The following MTA3 variants were observed in gnomAD, a reference collection of about 807,000 sequenced individuals.
MTA3 encodes metastasis-associated protein MTA3.
Under a neutral mutation model 83.5 loss-of-function variants are expected in MTA3, and 34 were observed. The ratio of observed to expected loss-of-function variants is 0.41; its 90% CI spans 0.31 to 0.54. MTA3 has a LOEUF of 0.54. Among genes scored for constraint, MTA3 ranks in the 20% least tolerant of loss-of-function variants. The pLI, the probability that MTA3 is intolerant of heterozygous loss-of-function variation, is 0.33. For synonymous variants in MTA3, 303 were observed against 252.7 expected, an observed-to-expected ratio of 1.20 and a Z score of -1.89; for missense variants, 761 against 726.4, an observed-to-expected ratio of 1.05 and a Z score of -0.55.
intron 3 of MTA3, among the ~76,000 whole-genome samples, chr2:42,585,780 T>A (rs1172890710): frequency 6.6e-6 from 1 of 152,052 alleles, no homozygotes; most frequent in Non-Finnish European, 1.5e-5. Context: ...GGCCCCATCC[T>A]GTATTTTATT....
chr2:42,753,140 G>C (rs1447178865), intron 16 of MTA3, among the ~76,000 whole-genome samples: 1 of 152,130 alleles, frequency 6.6e-6, no homozygotes, highest in Non-Finnish European at 1.5e-5. Flanking sequence ...ATGTCGTCCA[G>C]ACTGTCTTGA....
chr2:42,684,567 A>G (rs1431559765), intron 9 of MTA3, among the ~76,000 whole-genome samples: 1 of 152,228 alleles, frequency 6.6e-6, no homozygotes, highest in Non-Finnish European at 1.5e-5. Flanking sequence ...TATTAATATA[A>G]CAGTTATTAA....
At chr2:42,515,989 T>C (rs995831438) in intron 2 of MTA3, among the ~76,000 whole-genome samples, 2 of 151,654 alleles carry the variant, frequency 1.3e-5, no homozygotes, top group Non-Finnish European at 2.9e-5. Context: ...TACAGGCGCC[T>C]GCCACCATGC....
rs144000034 is a variant in MTA3, at chr2:42,553,927, A to C, written c.-140-16510A>C. ...AGAAAGAAAGAAGGAAGAAGAAAAA[A>C]AAAACAAAACAAAAAACTAGTTATC... On this transcript the variant is annotated intron_variant, in intron 2 of 17. Transcript: ENST00000405592. Among the ~76,000 whole-genome samples the C allele has an allele frequency of 1.8e-3, 268 of 151,130 alleles. 5 individuals are homozygous for C. Among genetic ancestry groups the C allele is most frequent in the African/African-American group, 6.1e-3 (252 of 41,260 alleles).
intron 4 of MTA3, among the ~76,000 whole-genome samples, chr2:42,631,907 C>G (rs1686713454): frequency 6.6e-6 from 1 of 152,018 alleles, no homozygotes; most frequent in African/African-American, 2.4e-5. Flanking sequence ...CCAGGCTGGT[C>G]TTGAGCTCCT....
At chr2:42,530,958 TA>T (rs1675937171) in intron 2 of MTA3, among the ~76,000 whole-genome samples, 1 of 151,910 alleles carries the variant, frequency 6.6e-6, no homozygotes, top group South Asian at 2.1e-4. Context: ...GCTCCCCGAG[TA>T]TCTGGGACCA....
intron 6 of MTA3, among the ~76,000 whole-genome samples, chr2:42,647,726 A>C (rs1688346795): frequency 6.6e-6 from 1 of 152,232 alleles, no homozygotes; most frequent in Non-Finnish European, 1.5e-5. Flanking sequence ...TGTATTTTTC[A>C]TCATAAATGT....
chr2:42,649,729 T>C (rs762431218), intron 6 of MTA3, among the ~76,000 whole-genome samples: 16 of 152,216 alleles, frequency 1.1e-4, no homozygotes, highest in Non-Finnish European at 1.9e-4. Context: ...TCCACTGTGT[T>C]ACAACTTTAT....
intron 2 of MTA3, among the ~76,000 whole-genome samples, chr2:42,503,508 A>G (rs1572889209): frequency 6.6e-6 from 1 of 152,032 alleles, no homozygotes; most frequent in Non-Finnish European, 1.5e-5. Context: ...CCCAGCTCCT[A>G]TTTATTCAAG....
intron 9 of MTA3, among the ~76,000 whole-genome samples, chr2:42,682,899 C>T (rs1489328948): frequency 1.3e-5 from 2 of 151,992 alleles, no homozygotes; most frequent in African/African-American, 2.4e-5. Flanking sequence ...GGTGAAACCC[C>T]ATCTCTACTG....
rs551472694 is a variant in MTA3, at chr2:42,501,441, G to A, written c.-141+6187G>A. Among the ~76,000 whole-genome samples, 11 of 152,142 alleles carry A rather than the reference G, an allele frequency of 7.2e-5. No homozygotes were observed. In the South Asian group the frequency reaches 2.3e-3, roughly 32 times the overall value. ...CCTTACCTCAAAATGGCATATTTTG[G>A]GAGGCATATTCTGATTCCCTGCATA... On this transcript the variant is annotated intron_variant, in intron 2 of 17. Transcript: ENST00000405592.
intron 4 of MTA3, among the ~76,000 whole-genome samples, chr2:42,625,074 C>G (rs572874299): frequency 2.0e-5 from 3 of 152,158 alleles, no homozygotes; most frequent in African/African-American, 7.2e-5. Flanking sequence ...CTTTGTCACC[C>G]AGGCTGGAGT....
intron 2 of MTA3, among the ~76,000 whole-genome samples, chr2:42,553,886 A>C (rs1677250476): frequency 4.9e-5 from 1 of 20,228 alleles, no homozygotes; most frequent in African/African-American, 3.7e-4. Context: ...AAAAAAAAAA[A>C]AGAAAAAAAA....
At chr2:42,617,613 C>G (rs1685055758) in intron 4 of MTA3, among the ~76,000 whole-genome samples, 1 of 151,896 alleles carries the variant, frequency 6.6e-6, no homozygotes, top group Non-Finnish European at 1.5e-5. Flanking sequence ...CCCATCTCTA[C>G]TAAAAATACA....
intron 2 of MTA3, among the ~76,000 whole-genome samples, chr2:42,526,461 G>A (rs1274486161): frequency 1.3e-5 from 2 of 152,064 alleles, no homozygotes; most frequent in Non-Finnish European, 1.5e-5. Flanking sequence ...TACATTCCTT[G>A]GAATGTCTAT....
intron 2 of MTA3, among the ~76,000 whole-genome samples, chr2:42,517,011 G>A (rs1298835576): frequency 6.6e-6 from 1 of 152,148 alleles, no homozygotes; most frequent in Non-Finnish European, 1.5e-5. Context: ...TGTAAACCCA[G>A]CACTTTGGGA....
rs750217309 is a variant in MTA3, at chr2:42,577,483, A to AT, written c.97-1609dup. 3.5e-3 allele frequency among the ~76,000 whole-genome samples: 496 copies of AT among 142,480 alleles called. 4 individuals are homozygous for AT. The highest frequency in any genetic ancestry group is 0.011 in the Middle Eastern group (3 of 276). The allele number at this position is 142,480 out of a possible 152,430, so 93.5% of individuals were successfully genotyped here. A position where few individuals can be genotyped will look rare whatever the true frequency, so the allele number is the denominator to read the frequency against. ...ATATGCCTTGAAACTGTTGATTTGG[A>AT]TTTTTTTTTTTTTTTGAGACGGATT... On this transcript the variant is annotated intron_variant, in intron 2 of 16. Transcript: ENST00000405094.
intron 16 of MTA3, among the ~76,000 whole-genome samples, chr2:42,752,826 A>G (rs1221786862): frequency 1.3e-5 from 2 of 152,164 alleles, no homozygotes; most frequent in East Asian, 3.8e-4. Context: ...GCCTATTCAA[A>G]ACCCAGCTTT....
At chr2:42,635,156 G>T (rs914223384) in intron 4 of MTA3, among the ~76,000 whole-genome samples, 4 of 151,980 alleles carry the variant, frequency 2.6e-5, no homozygotes, top group African/African-American at 9.7e-5. Context: ...TGTTTTATGC[G>T]GTTGCTGTTG....
Sources: allele counts gnomAD v4.1 joint callset (sites outside exome capture counted in the v4.1 genomes callset), GRCh38; gene constraint gnomAD v4.1.1; transcripts MANE v1.5; gene names NCBI Gene and HGNC (gene_info 2026-07-23, HGNC 2026-07-21).